FAAH2: variants seen among roughly 807,000 people sequenced by gnomAD.
FAAH2 encodes fatty-acid amide hydrolase 2.
FAAH2 carries 60 observed loss-of-function variants against 36.9 expected under a neutral mutation model. That is an observed-to-expected ratio of 1.63 (90% CI 1.32 to 2.02). The LOEUF (loss-of-function observed/expected upper bound fraction) is 2.02, where lower values mean the gene tolerates loss of function less well. FAAH2 is among the 30% of genes most tolerant of loss of function. The probability of loss-of-function intolerance (pLI) is 0.00; values close to 1 mark genes in which losing one functional copy is unlikely to be tolerated. For synonymous variants in FAAH2, 214 were observed against 143.8 expected (o/e 1.49, Z -3.49); for missense variants, 689 against 397.5 (o/e 1.73, Z -6.23).
chrX:57,333,381 C>T (rs1203981774), intron 4 of FAAH2, among the ~76,000 whole-genome samples: 1 of 111,559 alleles, frequency 9.0e-6, no homozygotes, highest in African/African-American at 3.3e-5. Context: ...AATTATAAGG[C>T]ATACTAAAAG....
At chrX:57,403,180 G>A (rs753896609) in intron 7 of FAAH2, among the ~76,000 whole-genome samples, 2 of 111,879 alleles carry the variant, frequency 1.8e-5, no homozygotes, top group African/African-American at 3.3e-5. Flanking sequence ...GCCTTGGGGG[G>A]AAGTTTCCCA....
the FAAH2 span, among the ~76,000 whole-genome samples, chrX:57,197,082 C>A: frequency 4.6e-3 from 507 of 111,109 alleles, 6 homozygotes; most frequent in African/African-American, 0.016. Flanking sequence ...TAATTTTTTT[C>A]TTTGTCTTTG....
chrX:57,486,638 G>C, intron 10 of FAAH2, among the ~76,000 whole-genome samples: 1 of 111,552 alleles, frequency 9.0e-6, no homozygotes. Context: ...TGTTTGTCAT[G>C]GAATGAGACA....
At chrX:57,240,376 T>G in the FAAH2 span, among the ~76,000 whole-genome samples, 1 of 111,833 alleles carries the variant, frequency 8.9e-6, no homozygotes, top group Admixed American at 9.5e-5. Flanking sequence ...CTCTGTCTCC[T>G]CCAGGTTAAG....
intron 3 of FAAH2, among the ~76,000 whole-genome samples, chrX:57,317,607 C>G (rs775580821): frequency 7.2e-5 from 8 of 111,512 alleles, no homozygotes; most frequent in African/African-American, 2.6e-4. Flanking sequence ...GACAGATCAA[C>G]AAGACAGAAA....
intron 10 of FAAH2, 76 bp from the exon 11 acceptor site, chrX:57,488,681 A>G: frequency 1.0e-6 from 1 of 978,289 alleles, no homozygotes; most frequent in Admixed American, 3.1e-5. Context: ...CCTATTTATT[A>G]TTGGTAAAAT....
At chrX:57,465,776 G>C (rs1033099121) in intron 10 of FAAH2, among the ~76,000 whole-genome samples, 1 of 110,431 alleles carries the variant, frequency 9.1e-6, no homozygotes, top group African/African-American at 3.3e-5. Context: ...AATTACAAAA[G>C]ACATAATAAT....
At chrX:57,174,425 T>C in the FAAH2 span, among the ~76,000 whole-genome samples, 21 of 111,588 alleles carry the variant, frequency 1.9e-4, no homozygotes, top group African/African-American at 6.5e-4. Flanking sequence ...ATTATGTTGT[T>C]GGTTGTTATG....
the FAAH2 span, among the ~76,000 whole-genome samples, chrX:57,237,203 G>A: frequency 1.4e-4 from 16 of 111,068 alleles, no homozygotes; most frequent in African/African-American, 3.6e-4. Context: ...CAATTTTGTC[G>A]CATTGATCTT....
the FAAH2 span, among the ~76,000 whole-genome samples, chrX:57,193,152 G>A: frequency 8.9e-6 from 1 of 111,835 alleles, no homozygotes; most frequent in Non-Finnish European, 1.9e-5. Flanking sequence ...CTGTTTCTCA[G>A]CAAGGAACAT....
chrX:57,401,943 C>T (rs766320299), intron 7 of FAAH2, among the ~76,000 whole-genome samples: 1 of 111,579 alleles, frequency 9.0e-6, no homozygotes. Context: ...CCAGTCACAA[C>T]TTAGTGGCTG....
chrX:57,172,941 G>A, the FAAH2 span, among the ~76,000 whole-genome samples: 9 of 111,887 alleles, frequency 8.0e-5, no homozygotes, highest in African/African-American at 2.9e-4. Context: ...ACAGGATGGG[G>A]GCTTGACAGG....
intron 10 of FAAH2, among the ~76,000 whole-genome samples, chrX:57,469,635 A>C (rs1051144643): frequency 1.8e-5 from 2 of 111,696 alleles, no homozygotes; most frequent in South Asian, 7.6e-4. Context: ...ATTACACTCC[A>C]ACACAATAAT....
At chrX:57,442,510 T>C (rs1180610139) in intron 8 of FAAH2, among the ~76,000 whole-genome samples, 1 of 111,153 alleles carries the variant, frequency 9.0e-6, no homozygotes, top group East Asian at 2.8e-4. Flanking sequence ...TGTCTCTGCA[T>C]GTGATATGGG....
chrX:57,435,711 T>A (rs964550441), intron 8 of FAAH2, among the ~76,000 whole-genome samples: 5 of 110,939 alleles, frequency 4.5e-5, no homozygotes, highest in African/African-American at 1.6e-4. Flanking sequence ...TATTACTACA[T>A]CTAAAGAGAG....
chrX:57,309,968 T>C (rs2052646277), intron 2 of FAAH2, among the ~76,000 whole-genome samples: 1 of 112,075 alleles, frequency 8.9e-6, no homozygotes, highest in African/African-American at 3.2e-5. Flanking sequence ...CTGGATCAAA[T>C]GGAATTTCTG....
At chrX:57,293,373 T>G (rs1303811738) in intron 2 of FAAH2, among the ~76,000 whole-genome samples, 1 of 112,413 alleles carries the variant, frequency 8.9e-6, no homozygotes, top group Non-Finnish European at 1.9e-5. Flanking sequence ...ACATTTAAAA[T>G]ATTTTAATGA....
the FAAH2 span, among the ~76,000 whole-genome samples, chrX:57,200,953 A>T: frequency 9.1e-6 from 1 of 110,315 alleles, no homozygotes; most frequent in Non-Finnish European, 1.9e-5. Flanking sequence ...AATTGTTATG[A>T]TATTGGTAAA....
At chrX:57,479,780 A>G (rs1490905773) in intron 10 of FAAH2, among the ~76,000 whole-genome samples, 1 of 111,059 alleles carries the variant, frequency 9.0e-6, no homozygotes, top group Non-Finnish European at 1.9e-5. Flanking sequence ...TTATTTATTG[A>G]TTTTCGTATA....
Sources: allele counts gnomAD v4.1 joint callset (sites outside exome capture counted in the v4.1 genomes callset), GRCh38; gene constraint gnomAD v4.1.1; transcripts MANE v1.5; gene names NCBI Gene and HGNC (gene_info 2026-07-23, HGNC 2026-07-21).